Variants in RWDD1 observed in about 807,000 individuals in gnomAD.
The protein encoded by RWDD1 is RWD domain-containing protein 1.
A neutral mutation model predicts 31.6 loss-of-function variants in RWDD1; 17 were observed. That is an observed-to-expected ratio of 0.54 (90% CI 0.37 to 0.81). RWDD1 has a LOEUF of 0.81. Ranked by LOEUF, RWDD1 falls within the 30% of genes least tolerant of loss-of-function variation. The pLI is 0.00. For missense variants in RWDD1, 204 were observed against 274.5 expected (o/e 0.74, Z 1.82); for synonymous variants, 78 against 94.2 (o/e 0.83, Z 0.99).
rs1775179967 is a variant in RWDD1, at chr6:116,593,136, C to T, written c.*35C>T. 1 of 1,585,430 alleles carries T rather than the reference C, an allele frequency of 6.3e-7. No individual in the cohort carries two copies. Among genetic ancestry groups the T allele is most frequent in the Non-Finnish European group, 8.6e-7 (1 of 1,167,286 alleles). On this transcript the variant is annotated 3_prime_UTR_variant, in exon 7 of 7. Coordinates refer to ENST00000466444, the MANE Select transcript of RWDD1 (RefSeq NM_015952.4). ...CCCATCTGCAGAGAGGCTTGACTGC[C>T]ACAGCATCTGTGGCTATGCTCAGAG...
At chr6:116,580,426 C>T (rs1774928380) in intron 2 of RWDD1, 66 bp downstream of exon 2, 1 of 1,195,248 alleles carries the variant, frequency 8.4e-7, no homozygotes, top group African/African-American at 1.5e-5. Flanking sequence ...ATTCTGTAGG[C>T]ATTATGCTGG....
intron 1 of RWDD1, among the ~76,000 whole-genome samples, chr6:116,573,840 A>G (rs1774790301): frequency 6.6e-6 from 1 of 151,046 alleles, no homozygotes; most frequent in Admixed American, 6.6e-5. Flanking sequence ...TTTTTAATGG[A>G]TGACTGAGTG....
chr6:116,590,885 T>A lies in RWDD1; in HGVS notation c.548-3T>A, dbSNP rs77547425. On this transcript the variant is annotated splice_region_variant and splice_polypyrimidine_tract_variant and intron_variant, in intron 5 of 6. Coordinates refer to ENST00000466444, the MANE Select transcript of RWDD1 (RefSeq NM_015952.4). ...ATTAAACATACTTTTTTTTTTTTTT[T>A]AGGGAAACAACTATTTGAAACAGAT... is the stretch of plus-strand genomic sequence containing the variant. The A allele has an allele frequency of 1.6e-5, 25 of 1,559,744 alleles. No homozygotes were observed. The highest frequency in any genetic ancestry group is 2.1e-5 in the Non-Finnish European group (24 of 1,162,428).
intron 1 of RWDD1, among the ~76,000 whole-genome samples, chr6:116,575,332 C>G (rs1336393248): frequency 6.6e-6 from 1 of 152,022 alleles, no homozygotes; most frequent in East Asian, 1.9e-4. Context: ...GTGATCCACC[C>G]ACTTCGGCCT....
intron 1 of RWDD1, among the ~76,000 whole-genome samples, chr6:116,577,265 G>A (rs540978442): frequency 7.2e-5 from 11 of 152,230 alleles, no homozygotes; most frequent in South Asian, 2.1e-4. Context: ...TTCTTCATAT[G>A]CTCTTGAAAC....
intron 4 of RWDD1, 52 bp from the exon 5 acceptor site, chr6:116,590,220 T>C: frequency 9.9e-7 from 1 of 1,007,524 alleles, no homozygotes; most frequent in Non-Finnish European, 1.5e-6. Flanking sequence ...TGTTAGGATT[T>C]ATTAAACTGC....
chr6:116,588,978 C>T lies in RWDD1; in HGVS notation c.407C>T (p.Ala136Val). 7.2e-7 allele frequency: 1 copy of T among 1,381,326 alleles called. No individual in the cohort carries two copies. The allele number at this position is 1,381,326 out of a possible 1,614,324, so 85.6% of individuals were successfully genotyped here. ...KKQKEKEAEE[A>V]EKQLFHGTPV... ...CAAAAAGAAAAAGAAGCAGAAGAAG[C>T]TGAAAAGGTATATTTAAAAGCCTTG... is the stretch of plus-strand genomic sequence containing the variant. The change falls in exon 4 of 7, where the codon GCT becomes GTT. Residue 136 changes from alanine (A) to valine (V), a missense_variant. Transcript: ENST00000466444.
intron 1 of RWDD1, among the ~76,000 whole-genome samples, chr6:116,579,511 GT>G (rs1774911667): frequency 6.6e-6 from 1 of 152,128 alleles, no homozygotes; most frequent in Admixed American, 6.5e-5. Flanking sequence ...TATTAATTGA[GT>G]TTCTAGATAC....
chr6:116,591,424 A>G (rs1302830259), intron 6 of RWDD1, among the ~76,000 whole-genome samples: 2 of 152,326 alleles, frequency 1.3e-5, no homozygotes, highest in Admixed American at 6.5e-5. Flanking sequence ...TTCTAGTATC[A>G]TAAATCTGTG....
intron 4 of RWDD1, 110 bp downstream of exon 4, chr6:116,589,095 T>A (rs575562860): frequency 2.5e-4 from 224 of 909,584 alleles, no homozygotes; most frequent in Non-Finnish European, 2.8e-4. Flanking sequence ...ATCACAAAAA[T>A]AAATAAAAGT....
rs1164456961 is a variant in RWDD1 at position 116,597,526 on chromosome 6, T to C, written c.*4425T>C. On this transcript the variant is annotated 3_prime_UTR_variant, in exon 7 of 7. Transcript: ENST00000466444. ...GTATTTAGCTCTGAAAATCCTTTAC[T>C]GTTGAATATTTAGATTGTTTTCAAT... The C allele has an allele frequency of 6.6e-6, 1 of 152,168 alleles. No homozygotes were observed. The highest frequency in any genetic ancestry group is 1.5e-5 in the Non-Finnish European group (1 of 68,024). The allele number at this position is 152,168 out of a possible 1,614,324, so 9.4% of individuals were successfully genotyped here.
intron 6 of RWDD1, among the ~76,000 whole-genome samples, chr6:116,591,684 T>C (rs1775147770): frequency 6.6e-6 from 1 of 152,270 alleles, no homozygotes; most frequent in South Asian, 2.1e-4. Flanking sequence ...CGGGAGCTTA[T>C]GGCCTACATG....
At chr6:116,574,904 G>T (rs1222000353) in intron 1 of RWDD1, among the ~76,000 whole-genome samples, 1 of 151,930 alleles carries the variant, frequency 6.6e-6, no homozygotes. Flanking sequence ...GAGTAGCTGG[G>T]ATTACAGGCT....
chr6:116,572,014 A>G (rs1034352602), intron 1 of RWDD1, among the ~76,000 whole-genome samples: 4 of 152,072 alleles, frequency 2.6e-5, no homozygotes, highest in African/African-American at 9.7e-5. Flanking sequence ...CAAGAATGTT[A>G]GTTTTCACAT....
chr6:116,578,435 G>A (rs1174348314), intron 1 of RWDD1, among the ~76,000 whole-genome samples: 4 of 152,184 alleles, frequency 2.6e-5, no homozygotes, highest in Admixed American at 1.3e-4. Context: ...CAAGCACAAA[G>A]TGATGCTCAG....
chr6:116,593,130 G>C lies in RWDD1; in HGVS notation c.*29G>C. ...ACTGTCCCCATCTGCAGAGAGGCTTGACTGCCACAGCATCTGTGGCTATGC... is the reference window on the plus strand; with the variant it reads ...ACTGTCCCCATCTGCAGAGAGGCTTCACTGCCACAGCATCTGTGGCTATGC... On this transcript the variant is annotated 3_prime_UTR_variant, in exon 7 of 7. Transcript: ENST00000466444. The C allele has an allele frequency of 6.3e-7, 1 of 1,591,968 alleles. No homozygotes were observed. The highest frequency in any genetic ancestry group is 8.5e-7 in the Non-Finnish European group (1 of 1,170,776).
Position 116,588,999 on chromosome 6 carries a change from C to A in RWDD1, c.414+14C>A. On this transcript the variant is annotated intron_variant, in intron 4 of 6. Coordinates refer to ENST00000466444, the MANE Select transcript of RWDD1 (RefSeq NM_015952.4). ...GAAGCTGAAAAGGTATATTTAAAAG[C>A]CTTGTTTTCTTTTATTATTTCTTAA... 7.7e-7 allele frequency: 1 copy of A among 1,292,284 alleles called. No individual in the cohort carries two copies. The highest frequency in any genetic ancestry group is 1.0e-6 in the Non-Finnish European group (1 of 1,004,822). The allele number at this position is 1,292,284 out of a possible 1,614,324, so 80.1% of individuals were successfully genotyped here.
intron 1 of RWDD1, among the ~76,000 whole-genome samples, chr6:116,579,005 A>G (rs1774902717): frequency 6.6e-6 from 1 of 152,052 alleles, no homozygotes; most frequent in Non-Finnish European, 1.5e-5. Flanking sequence ...CCTCTGGAGT[A>G]GCTGGGATTA....
chr6:116,572,765 C>T (rs1583327709), intron 1 of RWDD1: 1 of 775,520 alleles, frequency 1.3e-6, no homozygotes, highest in African/African-American at 1.9e-5. Flanking sequence ...AATTCCAACC[C>T]CTCTCCCTTT....
Sources: allele counts gnomAD v4.1 joint callset (sites outside exome capture counted in the v4.1 genomes callset), GRCh38; gene constraint gnomAD v4.1.1; transcripts MANE v1.5; gene names NCBI Gene and HGNC (gene_info 2026-07-23, HGNC 2026-07-21).